The following FRMPD4 variants were observed in gnomAD, a reference collection of about 807,000 sequenced individuals.
FRMPD4 encodes FERM and PDZ domain-containing protein 4.
A neutral mutation model predicts 94.1 loss-of-function variants in FRMPD4; 22 were observed. The observed-to-expected ratio is 0.23, with a 90% CI of 0.17 to 0.33. The LOEUF is 0.33. Among genes scored for constraint, FRMPD4 ranks in the 10% least tolerant of loss-of-function variants. The pLI is 1.00. For missense variants in FRMPD4, 1,111 were observed against 1,339.9 expected (o/e 0.83, Z 2.67); for synonymous variants, 631 against 548.6 (o/e 1.15, Z -2.10).
chrX:12,094,879 T>A (rs2055185066), intron 3 of FRMPD4, among the ~76,000 whole-genome samples: 1 of 112,110 alleles, frequency 8.9e-6, no homozygotes, highest in Non-Finnish European at 1.9e-5. Flanking sequence ...CCTGTACGTA[T>A]AATTATTGGT....
intron 1 of FRMPD4, among the ~76,000 whole-genome samples, chrX:12,239,518 C>A (rs1210513606): frequency 1.8e-5 from 2 of 112,238 alleles, no homozygotes; most frequent in Non-Finnish European, 3.8e-5. Flanking sequence ...AAAATTATTT[C>A]TTACTCATGC....
intron 2 of FRMPD4, among the ~76,000 whole-genome samples, chrX:11,869,410 T>C (rs754592243): frequency 8.9e-6 from 1 of 111,911 alleles, no homozygotes; most frequent in African/African-American, 3.2e-5. Context: ...GCTTTAAGCA[T>C]GGATCTGGCA....
intron 1 of FRMPD4, among the ~76,000 whole-genome samples, chrX:12,486,863 T>C (rs1020285327): frequency 8.9e-6 from 1 of 112,153 alleles, no homozygotes; most frequent in Non-Finnish European, 1.9e-5. Context: ...AGTGATAACA[T>C]GCCTATCATT....
chrX:12,639,264 A>T (rs1455854850), intron 4 of FRMPD4, among the ~76,000 whole-genome samples: 1 of 112,243 alleles, frequency 8.9e-6, no homozygotes, highest in African/African-American at 3.2e-5. Context: ...GAATTTATCA[A>T]AAAGTTTTGA....
chrX:12,703,234 T>C (rs1344445707), intron 10 of FRMPD4, among the ~76,000 whole-genome samples: 1 of 112,595 alleles, frequency 8.9e-6, no homozygotes, highest in Non-Finnish European at 1.9e-5. Flanking sequence ...AATACTAATA[T>C]GTATGAATTA....
At position 12,305,569 on chromosome X, in the gene FRMPD4, T is replaced by G. The variant is rs1307947635; in HGVS notation, c.41+166557T>G. Among the ~76,000 whole-genome samples, 236 of 108,046 alleles carry G rather than the reference T, an allele frequency of 2.2e-3. 1 individual carries two copies. The highest frequency in any genetic ancestry group is 7.9e-3 in the African/African-American group (234 of 29,575). The allele number at this position is 108,046 out of a possible 115,157, so 93.8% of individuals were successfully genotyped here. A position where few individuals can be genotyped will look rare whatever the true frequency, so the allele number is the denominator to read the frequency against. On this transcript the variant is annotated intron_variant, in intron 1 of 16. Transcript: ENST00000675598. The stretch of plus-strand genomic sequence containing the variant: ...AAATTCTTTCCATAATCCTTTTTTT[T>G]TTTTTTCAGACAGAGTCTCACTTTG...
rs752604184 is a variant in FRMPD4 at position 12,418,311 on chromosome X, C to T, written c.42-80369C>T. Among the ~76,000 whole-genome samples, 185 of 106,775 alleles carry T rather than the reference C, an allele frequency of 1.7e-3. 6 individuals carry two copies. The highest frequency in any genetic ancestry group is 7.5e-4 in the Non-Finnish European group (39 of 51,850). The allele number at this position is 106,775 out of a possible 115,157, so 92.7% of individuals were successfully genotyped here. A position where few individuals can be genotyped will look rare whatever the true frequency, so the allele number is the denominator to read the frequency against. On this transcript the variant is annotated intron_variant, in intron 1 of 16. Transcript: ENST00000675598. ...CACTGAGCTATATTCTAGGCCCAGC[C>T]GATGACTCAGGGATTTGAGCATCCA... is the stretch of plus-strand genomic sequence containing the variant.
intron 3 of FRMPD4, among the ~76,000 whole-genome samples, chrX:11,970,702 A>AT (rs1178402850): frequency 9.0e-6 from 1 of 111,286 alleles, no homozygotes; most frequent in East Asian, 2.8e-4. Flanking sequence ...GTGTGAAATG[A>AT]TTTTTTCCCC....
intron 2 of FRMPD4, among the ~76,000 whole-genome samples, chrX:12,512,338 C>T (rs1258510764): frequency 8.9e-6 from 1 of 111,952 alleles, no homozygotes; most frequent in Non-Finnish European, 1.9e-5. Context: ...TTAAGCCCTA[C>T]ATGCATTAGC....
At chrX:12,403,612 T>C (rs1228517091) in intron 1 of FRMPD4, among the ~76,000 whole-genome samples, 1 of 111,481 alleles carries the variant, frequency 9.0e-6, no homozygotes, top group Non-Finnish European at 1.9e-5. Flanking sequence ...GAAAACCCTG[T>C]ATATCCTTTT....
At chrX:12,324,796 A>G (rs2055261068) in intron 1 of FRMPD4, among the ~76,000 whole-genome samples, 1 of 109,576 alleles carries the variant, frequency 9.1e-6, no homozygotes. Flanking sequence ...TATTACTAAT[A>G]TATTTTCTAA....
At chrX:12,192,348 A>G (rs1159672938) in intron 1 of FRMPD4, among the ~76,000 whole-genome samples, 1 of 112,139 alleles carries the variant, frequency 8.9e-6, no homozygotes, top group Admixed American at 9.4e-5. Flanking sequence ...CACCTATGCT[A>G]TTCCTGTAGT....
chrX:12,458,210 C>T (rs1204426093), intron 1 of FRMPD4, among the ~76,000 whole-genome samples: 2 of 109,128 alleles, frequency 1.8e-5, no homozygotes, highest in African/African-American at 7.1e-5. Context: ...ATAATGCACT[C>T]AGTGTGACTT....
intron 3 of FRMPD4, among the ~76,000 whole-genome samples, chrX:11,979,891 T>C (rs1466413827): frequency 3.6e-5 from 4 of 112,042 alleles, no homozygotes; most frequent in African/African-American, 1.3e-4. Flanking sequence ...CATCCAAATA[T>C]TCCTTTATGT....
intron 2 of FRMPD4, among the ~76,000 whole-genome samples, chrX:12,525,681 T>C (rs2058215767): frequency 8.9e-6 from 1 of 112,400 alleles, no homozygotes; most frequent in African/African-American, 3.2e-5. Context: ...GGGAGTAAAA[T>C]TGCTGGATCA....
At chrX:12,238,408 G>A (rs1056822894) in intron 1 of FRMPD4, among the ~76,000 whole-genome samples, 27 of 111,483 alleles carry the variant, frequency 2.4e-4, no homozygotes, top group African/African-American at 8.8e-4. Flanking sequence ...CAAAGTGCTG[G>A]GATTACAGAC....
intron 7 of FRMPD4, among the ~76,000 whole-genome samples, chrX:12,686,736 G>A (rs947288442): frequency 3.6e-5 from 4 of 112,192 alleles, no homozygotes; most frequent in Non-Finnish European, 5.6e-5. Context: ...CTTAGAAGAA[G>A]GGCTGGAAAG....
intron 1 of FRMPD4, among the ~76,000 whole-genome samples, chrX:12,292,849 G>A (rs2054710452): frequency 9.0e-6 from 1 of 111,253 alleles, no homozygotes; most frequent in African/African-American, 3.3e-5. Flanking sequence ...GAGATAACTG[G>A]GCCAAATGTT....
chrX:12,493,928 G>A (rs145611794), intron 1 of FRMPD4, among the ~76,000 whole-genome samples: 3,363 of 111,904 alleles, frequency 0.03, 127 homozygotes, highest in African/African-American at 0.1. Context: ...TAACATCACT[G>A]TGAGCTAGTT....
Sources: gnomAD v4.1 joint callset for allele counts (sites outside exome capture counted in the v4.1 genomes callset) on GRCh38, gnomAD v4.1.1 for gene constraint, MANE v1.5 for transcripts, NCBI Gene and HGNC (gene_info 2026-07-23, HGNC 2026-07-21) for gene names.